CCDC141: variants seen among roughly 807,000 people sequenced by gnomAD.
The protein encoded by CCDC141 is coiled-coil domain-containing protein 141.
Under a neutral mutation model 181.0 loss-of-function variants are expected in CCDC141, and 168 were observed. The observed-to-expected ratio is 0.93, with a 90% CI of 0.82 to 1.05. The LOEUF (loss-of-function observed/expected upper bound fraction) is 1.05. Among genes scored for constraint, CCDC141 ranks in the 50% least tolerant of loss-of-function variants. The pLI is 0.00. For missense variants in CCDC141, 1,902 were observed against 1,788.5 expected (o/e 1.06, Z -1.14); for synonymous variants, 666 against 642.3 (o/e 1.04, Z -0.56).
At chr2:179,028,016 G>A (rs534796174) in intron 2 of CCDC141, among the ~76,000 whole-genome samples, 2 of 152,144 alleles carry the variant, frequency 1.3e-5, no homozygotes, top group East Asian at 3.9e-4. Context: ...TCCTCTCATG[G>A]TTTCCTGAAC....
At chr2:178,986,546 A>C (rs1215850625) in intron 2 of CCDC141, among the ~76,000 whole-genome samples, 1 of 152,194 alleles carries the variant, frequency 6.6e-6, no homozygotes, top group East Asian at 1.9e-4. Context: ...TGCAGATGAC[A>C]TGATTGTATA....
At chr2:178,969,103 CCAA>C (rs1450221916) in intron 4 of CCDC141, among the ~76,000 whole-genome samples, 1 of 50,542 alleles carries the variant, frequency 2.0e-5, no homozygotes, top group East Asian at 1.1e-3. Context: ...AGCTTACCAA[CCAA>C]AAAAAAAAAA....
chr2:179,039,330 G>A (rs991608824), intron 2 of CCDC141, among the ~76,000 whole-genome samples: 1 of 152,064 alleles, frequency 6.6e-6, no homozygotes, highest in Non-Finnish European at 1.5e-5. Context: ...ACTAGGGTTT[G>A]AGATAATTTT....
At chr2:178,967,739 A>C (rs1452041477) in intron 4 of CCDC141, among the ~76,000 whole-genome samples, 1 of 152,190 alleles carries the variant, frequency 6.6e-6, no homozygotes, top group Non-Finnish European at 1.5e-5. Context: ...CACACATAAC[A>C]ATATTAACCT....
chr2:178,999,134 A>G (rs1182742847), intron 2 of CCDC141, among the ~76,000 whole-genome samples: 4 of 152,148 alleles, frequency 2.6e-5, no homozygotes, highest in Non-Finnish European at 4.4e-5. Context: ...GATTTTCCGT[A>G]TTGAAAAGCT....
At chr2:178,991,596 A>T (rs1403082515) in intron 2 of CCDC141, among the ~76,000 whole-genome samples, 2 of 152,126 alleles carry the variant, frequency 1.3e-5, no homozygotes, top group Non-Finnish European at 1.5e-5. Flanking sequence ...ATACAGTTAG[A>T]TTGAAGGAAT....
At chr2:178,885,679 T>G (rs74343581) in intron 10 of CCDC141, among the ~76,000 whole-genome samples, 11,154 of 152,260 alleles carry the variant, frequency 0.073, 607 homozygotes, top group Admixed American at 0.16. Flanking sequence ...TAATTTCTGT[T>G]ATGTGAACTC....
intron 23 of CCDC141, chr2:178,835,710 TTAA>T (rs1157778487): frequency 7.2e-5 from 11 of 152,384 alleles, no homozygotes; most frequent in African/African-American, 2.4e-4. Flanking sequence ...AACCAAATTA[TTAA>T]TATTTACTGT....
intron 8 of CCDC141, among the ~76,000 whole-genome samples, chr2:178,892,985 G>T (rs1481605977): frequency 6.6e-6 from 1 of 152,152 alleles, no homozygotes; most frequent in Non-Finnish European, 1.5e-5. Context: ...TTTGTGATTT[G>T]CACTGGAAAT....
chr2:178,853,592 T>A lies in CCDC141; in HGVS notation c.3093A>T (p.Thr1031=). The change falls in exon 20 of 24, where the codon ACA becomes ACT. Residue 1031 remains threonine, a synonymous_variant. Transcript: ENST00000443758. ...CHFWYEDASA[T]VVRVGKYSTE... ...TGGAATATTTTCCAACTCTTACAAC[T>A]GTGGCACTTGCATCTTCGTACCAAA... is the stretch of plus-strand genomic sequence containing the variant. 1 of 1,613,352 alleles carries A rather than the reference T, an allele frequency of 6.2e-7. No individual in the cohort carries two copies. Among genetic ancestry groups the A allele is most frequent in the East Asian group, 2.2e-5 (1 of 44,846 alleles).
chr2:179,019,977 A>G (rs576192494), intron 2 of CCDC141, among the ~76,000 whole-genome samples: 1 of 152,162 alleles, frequency 6.6e-6, no homozygotes, highest in East Asian at 1.9e-4. Flanking sequence ...GTGGGTCTCA[A>G]ACTCCTGAGC....
chr2:179,000,759 G>A (rs532003003), intron 2 of CCDC141, among the ~76,000 whole-genome samples: 2 of 152,176 alleles, frequency 1.3e-5, no homozygotes, highest in Admixed American at 6.5e-5. Context: ...GACCCCTCTT[G>A]TGTTCATAAA....
At chr2:178,997,139 G>A (rs1267390080) in intron 2 of CCDC141, among the ~76,000 whole-genome samples, 1 of 152,146 alleles carries the variant, frequency 6.6e-6, no homozygotes, top group Non-Finnish European at 1.5e-5. Flanking sequence ...ATGTACCCTG[G>A]CAGTTTTTTG....
intron 2 of CCDC141, among the ~76,000 whole-genome samples, chr2:178,990,139 C>CAAAAAAAAAAAA (rs60180781): frequency 8.4e-6 from 1 of 119,258 alleles, no homozygotes; most frequent in Admixed American, 8.5e-5. Context: ...AATTCCATCT[C>CAAAAAAAAAAAA]AAAAAAAAAA....
chr2:179,041,134 C>T (rs57240597), intron 2 of CCDC141, among the ~76,000 whole-genome samples: 15,753 of 152,076 alleles, frequency 0.1, 1,227 homozygotes, highest in Admixed American at 0.21. Context: ...TGCAGTGGTG[C>T]GATCTCGGCT....
At chr2:178,977,615 C>T (rs950319382) in intron 3 of CCDC141, among the ~76,000 whole-genome samples, 1 of 152,134 alleles carries the variant, frequency 6.6e-6, no homozygotes. Context: ...CATGAGATTG[C>T]CTACTCCAAT....
chr2:178,977,678 T>C (rs1428046699), intron 3 of CCDC141, among the ~76,000 whole-genome samples: 1 of 152,236 alleles, frequency 6.6e-6, no homozygotes, highest in Non-Finnish European at 1.5e-5. Flanking sequence ...ATTTAAGTCC[T>C]GAATTTCTAG....
Position 178,905,500 on chromosome 2 carries a change from G to A in CCDC141, c.1094C>T (p.Ala365Val). 1 of 1,541,094 alleles carries A rather than the reference G, an allele frequency of 6.5e-7. No individual in the cohort carries two copies. The highest frequency in any genetic ancestry group is 8.7e-7 in the Non-Finnish European group (1 of 1,144,072). Residue 365 changes from alanine to valine, a missense_variant and splice_region_variant, in exon 8 of 24, where the codon GCA (alanine) becomes GTA (valine). Coordinates refer to ENST00000443758, the MANE Select transcript of CCDC141 (RefSeq NM_173648.4). ...TTCAACTCTTCCAAGTACATCAAAT[G>A]CCTGCCAAAGAAAACATACTTTTAT... ...ANEFFNSANK[A>V]FDVLGRVEAY...
At chr2:178,848,850 C>A (rs1685046992) in intron 21 of CCDC141, among the ~76,000 whole-genome samples, 1 of 151,708 alleles carries the variant, frequency 6.6e-6, no homozygotes, top group African/African-American at 2.4e-5. Context: ...CATTGTGAAA[C>A]AATGATGGGA....
Sources: gnomAD v4.1 joint callset for allele counts (sites outside exome capture counted in the v4.1 genomes callset) on GRCh38, gnomAD v4.1.1 for gene constraint, MANE v1.5 for transcripts, NCBI Gene and HGNC (gene_info 2026-07-23, HGNC 2026-07-21) for gene names.